Variants in SLC22A24 observed in about 807,000 individuals in gnomAD.
SLC22A24 encodes solute carrier family 22 member 24, also known as steroid transmembrane transporter SLC22A24.
Under a neutral mutation model 49.8 loss-of-function variants are expected in SLC22A24, and 53 were observed. The ratio of observed to expected loss-of-function variants is 1.06; its 90% CI spans 0.85 to 1.34. The LOEUF (loss-of-function observed/expected upper bound fraction) is 1.34, where lower values mean the gene tolerates loss of function less well. Among genes scored for constraint, SLC22A24 ranks in the 40% most tolerant of loss-of-function variants. The probability of loss-of-function intolerance (pLI) is 0.00; values close to 1 mark genes in which losing one functional copy is unlikely to be tolerated. For missense variants in SLC22A24, 786 were observed against 675.9 expected (o/e 1.16, Z -1.81); for synonymous variants, 302 against 256.4 (o/e 1.18, Z -1.70).
At chr11:63,090,402 A>G (rs2087012920) in intron 6 of SLC22A24, among the ~76,000 whole-genome samples, 1 of 152,102 alleles carries the variant, frequency 6.6e-6, no homozygotes, top group Non-Finnish European at 1.5e-5. Flanking sequence ...AATCAAGAGA[A>G]TATACATTCT....
chr11:63,102,180 T>C (rs113061143), intron 5 of SLC22A24, among the ~76,000 whole-genome samples: 5,927 of 152,230 alleles, frequency 0.039, 169 homozygotes, highest in Non-Finnish European at 0.063. Flanking sequence ...GCATTGTATG[T>C]TTGTATCAAA....
chr11:63,080,543 A>G (rs2086953275), intron 9 of SLC22A24, among the ~76,000 whole-genome samples: 1 of 152,228 alleles, frequency 6.6e-6, no homozygotes, highest in South Asian at 2.1e-4. Context: ...GCACTCATTG[A>G]GCCAATGTGT....
chr11:63,111,348 A>T (rs1173494075), intron 4 of SLC22A24, among the ~76,000 whole-genome samples: 1 of 151,956 alleles, frequency 6.6e-6, no homozygotes, highest in Non-Finnish European at 1.5e-5. Flanking sequence ...TGGTATCAGG[A>T]TGATGCTGGC....
chr11:63,087,841 G>A (rs2086996590), intron 6 of SLC22A24, among the ~76,000 whole-genome samples: 1 of 152,158 alleles, frequency 6.6e-6, no homozygotes, highest in Non-Finnish European at 1.5e-5. Context: ...AGTGGCTGTG[G>A]CAAGACTGCT....
At chr11:63,099,355 C>G (rs904834497) in intron 5 of SLC22A24, among the ~76,000 whole-genome samples, 1 of 111,802 alleles carries the variant, frequency 8.9e-6, no homozygotes, top group Non-Finnish European at 1.9e-5. Context: ...ACCACCACAC[C>G]TGGCTAATTT....
intron 2 of SLC22A24, among the ~76,000 whole-genome samples, chr11:63,123,372 A>G (rs2087265692): frequency 6.6e-6 from 1 of 152,198 alleles, no homozygotes; most frequent in Admixed American, 6.5e-5. Context: ...ACAGAGTTTA[A>G]TCTACTTGAT....
At chr11:63,124,022 T>A (rs1434807134) in intron 2 of SLC22A24, among the ~76,000 whole-genome samples, 1 of 151,990 alleles carries the variant, frequency 6.6e-6, no homozygotes, top group Non-Finnish European at 1.5e-5. Flanking sequence ...AAGGAAGAGA[T>A]CTTTGAGGGG....
At chr11:63,082,734 C>G (rs1265335151) in intron 7 of SLC22A24, among the ~76,000 whole-genome samples, 1 of 152,124 alleles carries the variant, frequency 6.6e-6, no homozygotes, top group Non-Finnish European at 1.5e-5. Context: ...GAAGCCTTTT[C>G]TAAAAAAGTG....
chr11:63,094,166 A>G lies in SLC22A24; in HGVS notation c.1070+1825T>C, dbSNP rs2087038240. 2.9e-5 allele frequency among the ~76,000 whole-genome samples: 3 copies of G among 104,482 alleles called. No individual in the cohort carries two copies. The South Asian group carries it at 1.1e-3, about 39-fold the overall frequency. 68.5% of individuals were successfully genotyped at this position (104,482 alleles called of 152,430 possible). On this transcript the variant is annotated intron_variant, in intron 6 of 9. Coordinates refer to ENST00000612278, the MANE Select transcript of SLC22A24 (RefSeq NM_001136506.2). ...CTCCCCCGACCCCACAACAGTCCCC[A>G]GAGTGTGATGTTCCCCTTCCTGTGT...
intron 4 of SLC22A24, among the ~76,000 whole-genome samples, chr11:63,112,140 T>G (rs1347833107): frequency 4.6e-5 from 7 of 152,208 alleles, no homozygotes; most frequent in African/African-American, 1.7e-4. Flanking sequence ...GTTGTTCATT[T>G]TCCATGTAGT....
chr11:63,096,187 A>G (rs2087053934), intron 5 of SLC22A24, 81 bp from the exon 6 acceptor site: 1 of 883,160 alleles, frequency 1.1e-6, no homozygotes, highest in Admixed American at 2.2e-5. Flanking sequence ...AGAGAACAAG[A>G]TAGACATATT....
chr11:63,124,079 G>T (rs2087271265), intron 2 of SLC22A24, among the ~76,000 whole-genome samples: 1 of 152,060 alleles, frequency 6.6e-6, no homozygotes, highest in South Asian at 2.1e-4. Flanking sequence ...TGAGCTATGT[G>T]CAGAAAAAAG....
chr11:63,086,652 G>T (rs1391592408), intron 6 of SLC22A24, among the ~76,000 whole-genome samples: 2 of 152,034 alleles, frequency 1.3e-5, no homozygotes, highest in African/African-American at 4.8e-5. Flanking sequence ...TAACTTGAAG[G>T]TCCACAGCTA....
intron 2 of SLC22A24, 37 bp from the exon 3 acceptor site, chr11:63,119,372 C>A (rs775994191): frequency 2.0e-6 from 3 of 1,471,178 alleles, no homozygotes; most frequent in South Asian, 2.7e-5. Context: ...TACTTAGGAA[C>A]AAAAATAACA....
At chr11:63,096,972 A>T (rs901539703) in intron 5 of SLC22A24, among the ~76,000 whole-genome samples, 4 of 152,198 alleles carry the variant, frequency 2.6e-5, no homozygotes, top group African/African-American at 7.2e-5. Context: ...TATAAAATGT[A>T]TTTAGCACAG....
At chr11:63,130,125 C>A (rs1424208349) in intron 2 of SLC22A24, among the ~76,000 whole-genome samples, 3 of 152,116 alleles carry the variant, frequency 2.0e-5, no homozygotes, top group Admixed American at 6.5e-5. Flanking sequence ...TCATAACTAA[C>A]TCTTATTATT....
intron 2 of SLC22A24, among the ~76,000 whole-genome samples, chr11:63,120,751 C>G (rs955604877): frequency 6.6e-6 from 1 of 151,962 alleles, no homozygotes; most frequent in African/African-American, 2.4e-5. Context: ...TTTTGTTACC[C>G]TAGTAGTATA....
chr11:63,109,016 T>G (rs1339413644), intron 4 of SLC22A24, among the ~76,000 whole-genome samples: 13 of 120,588 alleles, frequency 1.1e-4, no homozygotes, highest in East Asian at 5.1e-4. Flanking sequence ...CCCACAACAG[T>G]CCCCAGAGTG....
chr11:63,124,871 C>T (rs1340478573), intron 2 of SLC22A24, among the ~76,000 whole-genome samples: 2 of 151,248 alleles, frequency 1.3e-5, no homozygotes, highest in Admixed American at 6.6e-5. Context: ...CCAAACAACG[C>T]ATGTTCTCAC....
Sources: allele counts gnomAD v4.1 joint callset (sites outside exome capture counted in the v4.1 genomes callset), GRCh38; gene constraint gnomAD v4.1.1; transcripts MANE v1.5; gene names NCBI Gene and HGNC (gene_info 2026-07-23, HGNC 2026-07-21).